The following KCNH1 variants were observed in gnomAD, a reference collection of about 807,000 sequenced individuals.
KCNH1 encodes the protein voltage-gated delayed rectifier potassium channel KCNH1.
In KCNH1, 27 loss-of-function variants were observed where a neutral mutation model predicts 69.2. The ratio of observed to expected loss-of-function variants is 0.39; its 90% confidence interval spans 0.29 to 0.54. KCNH1 has a LOEUF of 0.54. KCNH1 is among the 20% of genes least tolerant of loss of function. KCNH1 has a pLI of 0.68. For missense variants in KCNH1, 798 were observed against 1,261.6 expected (o/e 0.63, Z 5.57); for synonymous variants, 456 against 487.7 (o/e 0.93, Z 0.86).
At chr1:211,121,865 G>A (rs1328961956) in intron 1 of KCNH1, among the ~76,000 whole-genome samples, 4 of 152,212 alleles carry the variant, frequency 2.6e-5, no homozygotes, top group Admixed American at 2.6e-4. Flanking sequence ...GCCAGGCGTG[G>A]TAGCTCACGC....
intron 10 of KCNH1, among the ~76,000 whole-genome samples, chr1:210,755,294 G>A (rs1683374391): frequency 6.6e-6 from 1 of 151,948 alleles, no homozygotes. Flanking sequence ...TTTGTTGCTT[G>A]TGACCACAGA....
intron 6 of KCNH1, among the ~76,000 whole-genome samples, chr1:210,941,910 G>A (rs1477801039): frequency 2.6e-5 from 4 of 152,232 alleles, no homozygotes; most frequent in Middle Eastern, 3.4e-3. Context: ...TAGATTTAAA[G>A]CCCTTGAGAG....
intron 7 of KCNH1, among the ~76,000 whole-genome samples, chr1:210,841,755 T>C (rs539909486): frequency 6.6e-6 from 1 of 152,268 alleles, no homozygotes; most frequent in East Asian, 1.9e-4. Flanking sequence ...TGTATATACA[T>C]AGGATCTGTC....
In KCNH1 at chr1:211,016,548, TTCCTA is replaced by T. The variant is rs1291633549; in HGVS notation, c.1032+2230_1032+2234del. On this transcript the variant is annotated intron_variant, in intron 6 of 10. Transcript: ENST00000271751. ...GAATTACCTAAGCCAAAATGATATT[TTCCTA>T]AGAAAAAAATTTCTAAAAATGTGCT... is the stretch of plus-strand genomic sequence containing the variant. Among the ~76,000 whole-genome samples, 39 of 152,266 alleles carry T rather than the reference TTCCTA, an allele frequency of 2.6e-4. 1 individual carries two copies. Among genetic ancestry groups the T allele is most frequent in the Admixed American group, 2.6e-4 (4 of 15,288 alleles).
intron 7 of KCNH1, among the ~76,000 whole-genome samples, chr1:210,831,043 C>T (rs535665969): frequency 6.6e-6 from 1 of 152,290 alleles, no homozygotes; most frequent in South Asian, 2.1e-4. Flanking sequence ...TTTAAAAATA[C>T]CTACTGATTA....
At chr1:210,962,440 A>G (rs1688312414) in intron 6 of KCNH1, among the ~76,000 whole-genome samples, 1 of 152,122 alleles carries the variant, frequency 6.6e-6, no homozygotes, top group East Asian at 1.9e-4. Flanking sequence ...TAACAAATGT[A>G]CAGATCCTTA....
At chr1:211,109,219 C>T (rs1239925382) in intron 1 of KCNH1, among the ~76,000 whole-genome samples, 1 of 152,140 alleles carries the variant, frequency 6.6e-6, no homozygotes, top group African/African-American at 2.4e-5. Context: ...GGCAGAGGAT[C>T]CAGCATGGGC....
At chr1:211,115,254 G>T (rs988672339) in intron 1 of KCNH1, among the ~76,000 whole-genome samples, 7 of 152,180 alleles carry the variant, frequency 4.6e-5, no homozygotes, top group African/African-American at 1.7e-4. Flanking sequence ...CTCCCAAAGT[G>T]CTGGGATTAC....
At chr1:211,085,901 A>G (rs2102469455) in intron 4 of KCNH1, among the ~76,000 whole-genome samples, 1 of 152,286 alleles carries the variant, frequency 6.6e-6, no homozygotes, top group Middle Eastern at 3.4e-3. Context: ...TGTTCAGGGG[A>G]AATCAGACAG....
At chr1:211,115,577 CCTCAAACATCGGT>C (rs1302568681) in intron 1 of KCNH1, among the ~76,000 whole-genome samples, 1 of 151,710 alleles carries the variant, frequency 6.6e-6, no homozygotes, top group Non-Finnish European at 1.5e-5. Context: ...TGCTTCCTGC[CCTCAAACATCGGT>C]CTCCAAGTTC....
At chr1:210,912,275 C>T (rs1687248520) in intron 7 of KCNH1, among the ~76,000 whole-genome samples, 1 of 152,192 alleles carries the variant, frequency 6.6e-6, no homozygotes, top group Non-Finnish European at 1.5e-5. Flanking sequence ...GGTACCATGT[C>T]CTGTCCCGTG....
intron 7 of KCNH1, among the ~76,000 whole-genome samples, chr1:210,914,025 T>C (rs963038422): frequency 6.6e-6 from 1 of 152,122 alleles, no homozygotes; most frequent in African/African-American, 2.4e-5. Context: ...GGGATCCCAA[T>C]ATGAAAGTCA....
At chr1:210,996,199 G>A (rs1336531951) in intron 6 of KCNH1, among the ~76,000 whole-genome samples, 1 of 152,190 alleles carries the variant, frequency 6.6e-6, no homozygotes, top group African/African-American at 2.4e-5. Context: ...GCCTCACTCG[G>A]GAAGCACAAA....
intron 6 of KCNH1, among the ~76,000 whole-genome samples, chr1:211,012,850 CA>C (rs1472640261): frequency 1.3e-5 from 2 of 151,864 alleles, no homozygotes; most frequent in Non-Finnish European, 2.9e-5. Flanking sequence ...CACAGTAAGG[CA>C]AAATGTTAAT....
chr1:210,706,526 A>G (rs1681917125), intron 10 of KCNH1, among the ~76,000 whole-genome samples: 2 of 152,214 alleles, frequency 1.3e-5, no homozygotes, highest in Admixed American at 6.5e-5. Flanking sequence ...ATACCTAATG[A>G]TTTAATTAGA....
chr1:211,012,098 A>G (rs557359840), intron 6 of KCNH1, among the ~76,000 whole-genome samples: 1 of 152,330 alleles, frequency 6.6e-6, no homozygotes, highest in East Asian at 1.9e-4. Flanking sequence ...CTTTTTTCCA[A>G]AATAATTGGA....
At chr1:210,923,945 T>C (rs1687514622) in intron 6 of KCNH1, among the ~76,000 whole-genome samples, 1 of 152,208 alleles carries the variant, frequency 6.6e-6, no homozygotes, top group Non-Finnish European at 1.5e-5. Flanking sequence ...CATACTGGAA[T>C]AGGGTAGATC....
intron 10 of KCNH1, among the ~76,000 whole-genome samples, chr1:210,740,703 A>C (rs1683004387): frequency 7.4e-6 from 1 of 135,526 alleles, no homozygotes; most frequent in African/African-American, 3.2e-5. Context: ...TTTATGATTA[A>C]ATTTTTTTTT....
intron 10 of KCNH1, among the ~76,000 whole-genome samples, chr1:210,759,676 G>A (rs988773675): frequency 2.0e-5 from 3 of 152,050 alleles, no homozygotes; most frequent in East Asian, 1.9e-4. Flanking sequence ...CAAGAAATAC[G>A]GGATGACATA....
Sources: gnomAD v4.1 joint callset for allele counts (sites outside exome capture counted in the v4.1 genomes callset) on GRCh38, gnomAD v4.1.1 for gene constraint, MANE v1.5 for transcripts, NCBI Gene and HGNC (gene_info 2026-07-23, HGNC 2026-07-21) for gene names.